SEC62: variants seen among roughly 807,000 people sequenced by gnomAD.
SEC62 encodes the protein translocation protein SEC62.
Under a neutral mutation model 47.5 loss-of-function variants are expected in SEC62, and 10 were observed. The ratio of observed to expected loss-of-function variants is 0.21; its 90% CI spans 0.13 to 0.36. The LOEUF is 0.36. Ranked by LOEUF, SEC62 falls within the 10% of genes least tolerant of loss-of-function variation. The probability of loss-of-function intolerance (pLI) is 1.00; values close to 1 mark genes in which losing one functional copy is unlikely to be tolerated. For missense variants in SEC62, 327 were observed against 464.1 expected, an observed-to-expected ratio of 0.70 and a Z score of 2.71; for synonymous variants, 136 against 150.5, an observed-to-expected ratio of 0.90 and a Z score of 0.71.
Position 169,988,281 on chromosome 3 carries a change from G to T in SEC62, c.652G>T (p.Ala218Ser), listed in dbSNP as rs1287413431. Residue 218 changes from alanine to serine, a missense_variant, in exon 7 of 8, where the codon GCA (alanine) becomes TCA (serine). Transcript: ENST00000337002. ...IAATLFPLWP[A>S]EMRVGVYYLS... ...GGCCACCCTCTTCCCCCTTTGGCCA[G>T]CAGAAATGAGAGTAGGTGTTTATTA... is the stretch of plus-strand genomic sequence containing the variant. 4 of 1,613,866 alleles carry T rather than the reference G, an allele frequency of 2.5e-6. No homozygotes were observed. The Admixed American group carries it at 6.7e-5, about 27-fold the overall frequency.
chr3:169,980,984 TC>T (rs1714959646), intron 3 of SEC62, among the ~76,000 whole-genome samples: 1 of 152,210 alleles, frequency 6.6e-6, no homozygotes, highest in East Asian at 1.9e-4. Flanking sequence ...GAATATATTT[TC>T]ATTATAGATT....
chr3:169,985,644 C>CT, intron 5 of SEC62, 161 bp from the exon 6 acceptor site: 1 of 501,230 alleles, frequency 2.0e-6, no homozygotes, highest in South Asian at 3.7e-5. Context: ...AGAACCACTA[C>CT]TACTGAAGGA....
chr3:169,996,666 C>G lies in SEC62; in HGVS notation c.*3603C>G, dbSNP rs1316110905. The G allele has an allele frequency of 6.6e-6, 1 of 152,342 alleles. No individual in the cohort carries two copies. The highest frequency in any genetic ancestry group is 1.5e-5 in the Non-Finnish European group (1 of 68,196). 9.4% of individuals were successfully genotyped at this position (152,342 alleles called of 1,614,324 possible). On this transcript the variant is annotated 3_prime_UTR_variant, in exon 8 of 8. Coordinates refer to ENST00000337002, the MANE Select transcript of SEC62 (RefSeq NM_003262.4). ...CAGAGGATGGTAGGGTGCCTATTCTCGGCTCTTCTCCTGGGGTTGGGGGGC... is the reference window on the plus strand; with the variant it reads ...CAGAGGATGGTAGGGTGCCTATTCTGGGCTCTTCTCCTGGGGTTGGGGGGC...
At chr3:169,977,767 G>C (rs1192522019) in intron 3 of SEC62, among the ~76,000 whole-genome samples, 2 of 151,174 alleles carry the variant, frequency 1.3e-5, no homozygotes, top group Admixed American at 1.3e-4. Context: ...ACTAAATTTT[G>C]TTTTCATAAC....
intron 3 of SEC62, among the ~76,000 whole-genome samples, chr3:169,978,166 C>T (rs1227301702): frequency 6.6e-6 from 1 of 152,006 alleles, no homozygotes; most frequent in Non-Finnish European, 1.5e-5. Context: ...ATAGTCCCAG[C>T]TACTCGGGAG....
At position 169,975,691 on chromosome 3, in the gene SEC62, G is replaced by A. The variant is rs1714819696; in HGVS notation, c.120G>A (p.Met40Ile). 1 of 1,610,782 alleles carries A rather than the reference G, an allele frequency of 6.2e-7. No homozygotes were observed. The highest frequency in any genetic ancestry group is 8.5e-7 in the Non-Finnish European group (1 of 1,177,078). Residue 40 changes from methionine (M) to isoleucine (I), a missense_variant, in exon 2 of 8, where the codon ATG (methionine) becomes ATA (isoleucine). Physicochemically the swap from Met to Ile is conservative, Grantham distance 10. This residue lies in a region of SEC62 where 126 missense variants were observed against 161.2 expected (regional missense o/e 0.78). Coordinates refer to ENST00000337002, the MANE Select transcript of SEC62 (RefSeq NM_003262.4). Reference sequence around the variant, plus strand: ...GTCCAACAAAGTCCACCAATATGATGGGTCACCGGGTTGATTATTTTATTG... The same window carrying A: ...GTCCAACAAAGTCCACCAATATGATAGGTCACCGGGTTGATTATTTTATTG... Reference protein sequence around the residue: ...FNCPTKSTNMMGHRVDYFIAS... With the variant: ...FNCPTKSTNMIGHRVDYFIAS...
intron 1 of SEC62, among the ~76,000 whole-genome samples, chr3:169,972,479 ATCTTGGT>A (rs1231424693): frequency 1.3e-5 from 2 of 151,358 alleles, no homozygotes; most frequent in Non-Finnish European, 1.5e-5. Flanking sequence ...CAGTGGCATG[ATCTTGGT>A]TCACTGCAGC....
At chr3:169,985,081 G>A (rs1715070656) in intron 5 of SEC62, 1 of 152,038 alleles carries the variant, frequency 6.6e-6, no homozygotes, top group Non-Finnish European at 1.5e-5. Flanking sequence ...TCTCAGGAGA[G>A]AAAAGTGTGG....
At chr3:169,966,968 GGGGT>G in intron 1 of SEC62, 110 bp downstream of exon 1, 1 of 1,083,692 alleles carries the variant, frequency 9.2e-7, no homozygotes, top group East Asian at 3.2e-5. Flanking sequence ...GGGGTGGGGT[GGGGT>G]GGGGTTCCGC....
chr3:169,967,071 G>A lies in SEC62; in HGVS notation c.36+213G>A, dbSNP rs559434902. ...GGCGGAGACAGAGACGGAGGTGGTGGTGGAGCAGCAGGGGAAGGAAGGAGG... is the reference window on the plus strand; with the variant it reads ...GGCGGAGACAGAGACGGAGGTGGTGATGGAGCAGCAGGGGAAGGAAGGAGG... On this transcript the variant is annotated intron_variant, in intron 1 of 7. Coordinates refer to ENST00000337002, the MANE Select transcript of SEC62 (RefSeq NM_003262.4). Among the ~76,000 whole-genome samples the A allele has an allele frequency of 2.4e-3, 369 of 152,320 alleles. 1 individual carries two copies. Among genetic ancestry groups the A allele is most frequent in the Non-Finnish European group, 4.4e-3 (297 of 68,030 alleles).
chr3:169,998,083 ATTAAAG>A lies in SEC62; in HGVS notation c.*5025_*5030del, dbSNP rs1045966929. Reference sequence around the variant, plus strand: ...TAAATTTTAGTTTTAGGCTAGTGAAATTAAAGTTAATTTTTCCCATCCAAGTTCATG... The same window carrying A: ...TAAATTTTAGTTTTAGGCTAGTGAAATTAATTTTTCCCATCCAAGTTCATG... On this transcript the variant is annotated 3_prime_UTR_variant, in exon 8 of 8. Transcript: ENST00000337002. 2.0e-5 allele frequency: 3 copies of A among 152,220 alleles called. No individual in the cohort carries two copies. The highest frequency in any genetic ancestry group is 4.8e-5 in the African/African-American group (2 of 41,452). 9.4% of individuals were successfully genotyped at this position (152,220 alleles called of 1,614,324 possible). A position where few individuals can be genotyped will look rare whatever the true frequency, so the allele number is the denominator to read the frequency against.
In SEC62 at chr3:169,988,476, T is replaced by C. The variant is rs1014878920; in HGVS notation, c.730+117T>C. The C allele has an allele frequency of 2.4e-5, 26 of 1,080,426 alleles. No homozygotes were observed. The African/African-American group carries it at 3.7e-4, about 16-fold the overall frequency. The allele number at this position is 1,080,426 out of a possible 1,614,324, so 66.9% of individuals were successfully genotyped here. A position where few individuals can be genotyped will look rare whatever the true frequency, so the allele number is the denominator to read the frequency against. ...TAATGGAGGTAAATCAAGAAATATATGGTACTACTTTCTGAGTCAAATCTC... is the reference window on the plus strand; with the variant it reads ...TAATGGAGGTAAATCAAGAAATATACGGTACTACTTTCTGAGTCAAATCTC... On this transcript the variant is annotated intron_variant, in intron 7 of 7. Coordinates refer to ENST00000337002, the MANE Select transcript of SEC62 (RefSeq NM_003262.4).
chr3:169,988,130 C>G, intron 6 of SEC62, 110 bp from the exon 7 acceptor site: 1 of 1,222,018 alleles, frequency 8.2e-7, no homozygotes, highest in Non-Finnish European at 1.2e-6. Context: ...TTTTATATTT[C>G]ACTGTGTTTA....
At chr3:169,976,290 C>G (rs1418999163) in intron 2 of SEC62, among the ~76,000 whole-genome samples, 1 of 151,994 alleles carries the variant, frequency 6.6e-6, no homozygotes, top group Non-Finnish European at 1.5e-5. Context: ...ATGGCTTGAG[C>G]CCAGGAGTTA....
At chr3:169,975,745 G>A (rs754492898) in intron 2 of SEC62, 29 bp downstream of exon 2, 1 of 1,423,602 alleles carries the variant, frequency 7.0e-7, no homozygotes, top group Non-Finnish European at 9.9e-7. Context: ...AATCGTATTA[G>A]TGTACATATG....
intron 7 of SEC62, among the ~76,000 whole-genome samples, chr3:169,988,855 G>C (rs1447499624): frequency 6.6e-6 from 1 of 151,844 alleles, no homozygotes; most frequent in African/African-American, 2.4e-5. Flanking sequence ...TCATTTATTA[G>C]ACATAATACT....
At chr3:169,985,694 G>C in intron 5 of SEC62, 111 bp from the exon 6 acceptor site, 1 of 653,912 alleles carries the variant, frequency 1.5e-6, no homozygotes, top group Non-Finnish European at 2.5e-6. Context: ...ATTACTTCTC[G>C]TATGTTAAGA....
intron 1 of SEC62, 182 bp from the exon 2 acceptor site, chr3:169,975,426 G>A (rs149665614): frequency 3.7e-5 from 17 of 454,708 alleles, no homozygotes; most frequent in East Asian, 1.4e-4. Flanking sequence ...TTTGAAAAAC[G>A]TAGTTTCTTT....
intron 1 of SEC62, 114 bp downstream of exon 1, chr3:169,966,972 T>TGGGGG: frequency 1.8e-5 from 1 of 55,856 alleles, no homozygotes; most frequent in South Asian, 1.5e-4. Flanking sequence ...TGGGGTGGGG[T>TGGGGG]GGGGTTCCGC....
Sources: gnomAD v4.1 joint callset for allele counts (sites outside exome capture counted in the v4.1 genomes callset) on GRCh38, gnomAD v4.1.1 for gene constraint, gnomAD v4.1.1 regional missense constraint, MANE v1.5 for transcripts, NCBI Gene and HGNC (gene_info 2026-07-23, HGNC 2026-07-21) for gene names.